Variants in PKIB observed in about 807,000 individuals in gnomAD.
PKIB encodes PKI-beta.
PKIB carries 2 observed loss-of-function variants against 4.5 expected under a neutral mutation model. The observed-to-expected ratio is 0.44, with a 90% CI of 0.18 to 1.39. The LOEUF (loss-of-function observed/expected upper bound fraction) is 1.39. Ranked by LOEUF, PKIB falls within the 40% of genes most tolerant of loss-of-function variation. The pLI, the probability that PKIB is intolerant of heterozygous loss-of-function variation, is 0.27. For missense variants in PKIB, 94 were observed against 92.6 expected, an observed-to-expected ratio of 1.02 and a Z score of -0.06; for synonymous variants, 38 against 36.0, an observed-to-expected ratio of 1.06 and a Z score of -0.20.
chr6:122,514,071 C>G (rs1776669276), intron 2 of PKIB, among the ~76,000 whole-genome samples: 1 of 152,134 alleles, frequency 6.6e-6, no homozygotes, highest in African/African-American at 2.4e-5. Context: ...ACTTGGGCTC[C>G]TGTGCAAGGT....
intron 3 of PKIB, among the ~76,000 whole-genome samples, chr6:122,679,914 TTAG>T (rs1777829250): frequency 6.6e-6 from 1 of 152,184 alleles, no homozygotes; most frequent in South Asian, 2.1e-4. Context: ...ATAAGGTCCC[TTAG>T]ATAATAGGTA....
At chr6:122,637,410 C>A (rs1775962316) in intron 2 of PKIB, among the ~76,000 whole-genome samples, 1 of 152,084 alleles carries the variant, frequency 6.6e-6, no homozygotes, top group Non-Finnish European at 1.5e-5. Flanking sequence ...CCTGAAGGCA[C>A]ACAGCATCAC....
chr6:122,481,045 A>G (rs2114516859), intron 2 of PKIB: 1 of 152,336 alleles, frequency 6.6e-6, no homozygotes, highest in South Asian at 2.1e-4. Flanking sequence ...ATATAAGTGT[A>G]TAGAAAAGCC....
chr6:122,667,304 A>T (rs1288726996), intron 2 of PKIB, among the ~76,000 whole-genome samples: 59 of 152,196 alleles, frequency 3.9e-4, no homozygotes, highest in Admixed American at 3.8e-3. Flanking sequence ...CACGCCTGTA[A>T]TCCCAGCACT....
intron 3 of PKIB, among the ~76,000 whole-genome samples, chr6:122,588,463 T>A (rs1483518022): frequency 1.3e-5 from 2 of 152,100 alleles, no homozygotes; most frequent in African/African-American, 4.8e-5. Flanking sequence ...AGAGCCTGCA[T>A]TGCCAAGTCA....
chr6:122,722,206 A>G (rs1033953610), intron 4 of PKIB, among the ~76,000 whole-genome samples: 4 of 152,152 alleles, frequency 2.6e-5, no homozygotes, highest in African/African-American at 9.6e-5. Flanking sequence ...TACAAAGTTG[A>G]CAGCAATCAT....
intron 3 of PKIB, among the ~76,000 whole-genome samples, chr6:122,682,125 G>C (rs1051314327): frequency 6.6e-6 from 1 of 152,006 alleles, no homozygotes; most frequent in Non-Finnish European, 1.5e-5. Flanking sequence ...AAATAGATTA[G>C]ATAAACACTA....
intron 1 of PKIB, among the ~76,000 whole-genome samples, chr6:122,622,121 A>G (rs1413659964): frequency 6.6e-6 from 1 of 152,234 alleles, no homozygotes; most frequent in Admixed American, 6.5e-5. Flanking sequence ...AAATTGCTGT[A>G]CTTAAACACG....
In PKIB at chr6:122,550,464, T is replaced by C. The variant is rs1362975748; in HGVS notation, c.-247-35457T>C. On this transcript the variant is annotated intron_variant, in intron 2 of 6. Coordinates refer to the PKIB transcript ENST00000392491. Reference sequence around the variant, plus strand: ...TATTAAAATTACATTTTCTTTTGTATTTTTAATGTTTTAACATCAATGATA... The same window carrying C: ...TATTAAAATTACATTTTCTTTTGTACTTTTAATGTTTTAACATCAATGATA... Among the ~76,000 whole-genome samples the C allele has an allele frequency of 3.3e-5, 5 of 152,338 alleles. No homozygotes were observed. The East Asian group carries it at 7.7e-4, about 24-fold the overall frequency.
intron 1 of PKIB, among the ~76,000 whole-genome samples, chr6:122,622,900 T>G (rs1775297625): frequency 1.3e-5 from 2 of 152,226 alleles, no homozygotes; most frequent in South Asian, 4.1e-4. Flanking sequence ...GGCAGGTAGT[T>G]CTGGCAGCTA....
chr6:122,576,224 G>C (rs1233191570), intron 2 of PKIB, among the ~76,000 whole-genome samples: 1 of 152,126 alleles, frequency 6.6e-6, no homozygotes, highest in Non-Finnish European at 1.5e-5. Context: ...TTTTGGCTGG[G>C]CGTGGTGGCT....
intron 1 of PKIB, among the ~76,000 whole-genome samples, chr6:122,625,027 T>C (rs573302693): frequency 5.9e-5 from 9 of 152,316 alleles, no homozygotes; most frequent in African/African-American, 2.2e-4. Context: ...TTTGTCAACA[T>C]TTTTAAGACT....
intron 1 of PKIB, among the ~76,000 whole-genome samples, chr6:122,626,793 G>A (rs1775462390): frequency 6.6e-6 from 1 of 152,064 alleles, no homozygotes; most frequent in Admixed American, 6.6e-5. Context: ...TTTAATATAT[G>A]AATGAATGAA....
chr6:122,592,742 A>T (rs1191820867), intron 3 of PKIB, among the ~76,000 whole-genome samples: 1 of 152,216 alleles, frequency 6.6e-6, no homozygotes, highest in African/African-American at 2.4e-5. Context: ...ATCTAGAGTA[A>T]AATCTCAAGG....
At chr6:122,651,771 G>A (rs1271798442) in intron 2 of PKIB, among the ~76,000 whole-genome samples, 2 of 152,116 alleles carry the variant, frequency 1.3e-5, no homozygotes, top group African/African-American at 4.8e-5. Context: ...AAGTATTCAG[G>A]TTATTTATAC....
chr6:122,554,524 A>C (rs75065138), intron 2 of PKIB, among the ~76,000 whole-genome samples: 34 of 152,292 alleles, frequency 2.2e-4, no homozygotes, highest in African/African-American at 7.9e-4. Flanking sequence ...CACTTCAAAA[A>C]CTCACATTTA....
intron 2 of PKIB, among the ~76,000 whole-genome samples, chr6:122,516,287 C>T (rs1776750531): frequency 6.6e-6 from 1 of 152,142 alleles, no homozygotes; most frequent in African/African-American, 2.4e-5. Flanking sequence ...CTCATCCTCA[C>T]CTTCAGGCTT....
intron 2 of PKIB, among the ~76,000 whole-genome samples, chr6:122,665,980 T>C (rs1777207959): frequency 6.6e-6 from 1 of 152,218 alleles, no homozygotes; most frequent in South Asian, 2.1e-4. Context: ...TTTCGGACAT[T>C]GTCTCATTTA....
intron 3 of PKIB, among the ~76,000 whole-genome samples, chr6:122,592,631 A>G (rs1011780187): frequency 2.6e-5 from 4 of 152,214 alleles, no homozygotes; most frequent in Non-Finnish European, 5.9e-5. Flanking sequence ...CACAGAAATC[A>G]GAAAAACGTA....
Sources: gnomAD v4.1 joint callset for allele counts (sites outside exome capture counted in the v4.1 genomes callset) on GRCh38, gnomAD v4.1.1 for gene constraint, MANE v1.5 for transcripts, NCBI Gene and HGNC (gene_info 2026-07-23, HGNC 2026-07-21) for gene names.